Variants in THBS1 observed in about 807,000 individuals in gnomAD.
THBS1 encodes thrombospondin 1.
THBS1 carries 29 observed loss-of-function variants against 126.1 expected under a neutral mutation model. The ratio of observed to expected loss-of-function variants is 0.23; its 90% CI spans 0.17 to 0.31. THBS1 has a LOEUF of 0.31. Among genes scored for constraint, THBS1 ranks in the 10% least tolerant of loss-of-function variants. THBS1 has a pLI of 1.00. For missense variants in THBS1, 1,198 were observed against 1,545.2 expected (o/e 0.78, Z 3.77); for synonymous variants, 496 against 577.8 (o/e 0.86, Z 2.03).
Position 39,591,533 on chromosome 15 carries a change from G to A in THBS1, c.2442G>A (p.Gln814=), listed in dbSNP as rs765397507. 3 of 1,614,092 alleles carry A rather than the reference G, an allele frequency of 1.9e-6. No homozygotes were observed. The highest frequency in any genetic ancestry group is 2.2e-5 in the East Asian group (1 of 44,894). ...DGILNERDNC[Q]YVYNVDQRDT... is the part of the protein sequence containing the mutation. ...TCCTCAATGAACGGGACAACTGCCA[G>A]TACGTCTACAATGTGGACCAGAGAG... The change falls in exon 16 of 22, where the codon CAG becomes CAA. Residue 814 remains glutamine (Q), a synonymous_variant. Transcript: ENST00000260356.
chr15:39,584,505 A>G, intron 6 of THBS1, 83 bp downstream of exon 6: 1 of 1,556,228 alleles, frequency 6.4e-7, no homozygotes, highest in Non-Finnish European at 8.7e-7. Flanking sequence ...TAATCGCCAC[A>G]GAGATTCTTT....
In THBS1 at chr15:39,597,284, T is replaced by G. The variant is rs1187080016; in HGVS notation, c.*1915T>G. 4 of 144,692 alleles carry G rather than the reference T, an allele frequency of 2.8e-5. No individual in the cohort carries two copies. Among genetic ancestry groups the G allele is most frequent in the Non-Finnish European group, 6.0e-5 (4 of 66,664 alleles). 9.0% of individuals were successfully genotyped at this position (144,692 alleles called of 1,614,324 possible). On this transcript the variant is annotated 3_prime_UTR_variant, in exon 22 of 22. Coordinates refer to ENST00000260356, the MANE Select transcript of THBS1 (RefSeq NM_003246.4). Reference sequence around the variant, plus strand: ...GTTTTTTCTTTTTTTTGTTTTGTTTTTTTTTTTTTTTTTTTTTGCTTTTGA... The same window carrying G: ...GTTTTTTCTTTTTTTTGTTTTGTTTGTTTTTTTTTTTTTTTTTGCTTTTGA...
chr15:39,581,607 C>G, intron 1 of THBS1: 1 of 451,982 alleles, frequency 2.2e-6, no homozygotes, highest in Non-Finnish European at 4.0e-6. Context: ...CTTGCGCCCC[C>G]CACACTTTAA....
rs1228613025 is a variant in THBS1 at position 39,598,597 on chromosome 15, G to A, written c.*3228G>A. 2 of 152,126 alleles carry A rather than the reference G, an allele frequency of 1.3e-5. No individual in the cohort carries two copies. Among genetic ancestry groups the A allele is most frequent in the Non-Finnish European group, 2.9e-5 (2 of 68,024 alleles). 9.4% of individuals were successfully genotyped at this position (152,126 alleles called of 1,614,324 possible). ...AGACAGAAAAAGTGACTGGAAAGAG[G>A]AGCTTTTCTTCCAGGCATGTTCCAG... On this transcript the variant is annotated 3_prime_UTR_variant, in exon 22 of 22. Coordinates refer to ENST00000260356, the MANE Select transcript of THBS1 (RefSeq NM_003246.4).
Position 39,582,678 on chromosome 15 carries a change from A to C in THBS1, c.553A>C (p.Ser185Arg). The C allele has an allele frequency of 6.2e-7, 1 of 1,613,610 alleles. No homozygotes were observed. Among genetic ancestry groups the C allele is most frequent in the Non-Finnish European group, 8.5e-7 (1 of 1,180,030 alleles). Residue 185 changes from serine to arginine, a missense_variant, in exon 3 of 22, where the codon AGC becomes CGC. Physicochemically the swap from Ser to Arg is moderately radical, Grantham distance 110. Coordinates refer to ENST00000260356, the MANE Select transcript of THBS1 (RefSeq NM_003246.4). ...ENAELDVPIQ[S>R]VFTRDLASIA... The stretch of plus-strand genomic sequence containing the variant: ...TGCTGAGTTGGACGTCCCCATCCAA[A>C]GCGTCTTCACCAGAGACCTGGCCAG...
At chr15:39,585,309 G>A (rs1890189558) in intron 6 of THBS1, among the ~76,000 whole-genome samples, 161 bp from the exon 7 acceptor site, 1 of 152,218 alleles carries the variant, frequency 6.6e-6, no homozygotes, top group African/African-American at 2.4e-5. Flanking sequence ...TACGATAGTG[G>A]TGGCTGCAAA....
chr15:39,586,178 A>C (rs1371669124), intron 7 of THBS1, among the ~76,000 whole-genome samples: 1 of 152,196 alleles, frequency 6.6e-6, no homozygotes, highest in Non-Finnish European at 1.5e-5. Flanking sequence ...TACAACTAAG[A>C]TAAGGAAGAA....
Position 39,589,359 on chromosome 15 carries a change from A to G in THBS1, c.1926+5A>G. ...CATGCCACGGCCAACAAACAGGTAC[A>G]GTCAACTAGACGAGTAAACCAGAGG... On this transcript the variant is annotated splice_donor_5th_base_variant and intron_variant, in intron 12 of 21. Transcript: ENST00000260356. The surrounding 1 kb of genome is among the most constrained non-coding windows in gnomAD (Gnocchi z 4.7). The G allele has an allele frequency of 6.2e-7, 1 of 1,613,914 alleles. No individual in the cohort carries two copies. Among genetic ancestry groups the G allele is most frequent in the Non-Finnish European group, 8.5e-7 (1 of 1,179,984 alleles).
Position 39,581,793 on chromosome 15 carries a change from A to C in THBS1, c.-29-36A>C, listed in dbSNP as rs1890111850. On this transcript the variant is annotated intron_variant, in intron 1 of 21. Transcript: ENST00000260356. Reference sequence around the variant, plus strand: ...CGCACCGTCCCTCCCTGCCTAGCTGATCTCTGACCCTCGGCTCTTGTGCTT... The same window carrying C: ...CGCACCGTCCCTCCCTGCCTAGCTGCTCTCTGACCCTCGGCTCTTGTGCTT... The C allele has an allele frequency of 2.1e-6, 3 of 1,438,966 alleles. No individual in the cohort carries two copies. The South Asian group carries it at 3.5e-5, about 17-fold the overall frequency. 89.1% of individuals were successfully genotyped at this position (1,438,966 alleles called of 1,614,324 possible).
rs920379440 is a variant in THBS1 at position 39,594,014 on chromosome 15, T to C, written c.3268-85T>C. The C allele has an allele frequency of 9.9e-6, 14 of 1,411,532 alleles. No individual in the cohort carries two copies. The African/African-American group carries it at 1.9e-4, about 19-fold the overall frequency. The allele number at this position is 1,411,532 out of a possible 1,614,324, so 87.4% of individuals were successfully genotyped here. The stretch of plus-strand genomic sequence containing the variant: ...TCTAACTTAGATCAGCTCAGTACCT[T>C]TCAAGCATTGTTTCTGATGGAATGA... On this transcript the variant is annotated intron_variant, in intron 19 of 21. Transcript: ENST00000260356. This position sits in a 1 kb window ranked among gnomAD's most constrained non-coding sequence, Gnocchi z 4.4.
At position 39,589,717 on chromosome 15, in the gene THBS1, C is replaced by T. The variant is rs540816793; in HGVS notation, c.1927-88C>T. 3 of 1,368,576 alleles carry T rather than the reference C, an allele frequency of 2.2e-6. No homozygotes were observed. The East Asian group carries it at 7.4e-5, about 34-fold the overall frequency. The allele number at this position is 1,368,576 out of a possible 1,614,324, so 84.8% of individuals were successfully genotyped here. A position where few individuals can be genotyped will look rare whatever the true frequency, so the allele number is the denominator to read the frequency against. On this transcript the variant is annotated intron_variant, in intron 12 of 21. Coordinates refer to ENST00000260356, the MANE Select transcript of THBS1 (RefSeq NM_003246.4). This position sits in a 1 kb window ranked among gnomAD's most constrained non-coding sequence, Gnocchi z 4.7. Reference sequence around the variant, plus strand: ...CTTCCAAATGGAGCCTCTGTCTACTCAGAGATGACAGGGATCTGGATTCTT... The same window carrying T: ...CTTCCAAATGGAGCCTCTGTCTACTTAGAGATGACAGGGATCTGGATTCTT...
intron 14 of THBS1, chr15:39,590,980 C>T: frequency 1.7e-6 from 1 of 588,984 alleles, no homozygotes; most frequent in South Asian, 2.3e-5. Context: ...TTCTACATCT[C>T]ACTAACTTCT....
At position 39,582,718 on chromosome 15, in the gene THBS1, G is replaced by T; in HGVS notation, c.593G>T (p.Arg198Leu). The T allele has an allele frequency of 6.2e-7, 1 of 1,612,772 alleles. No individual in the cohort carries two copies. Among genetic ancestry groups the T allele is most frequent in the Non-Finnish European group, 8.5e-7 (1 of 1,179,764 alleles). ...GACCTGGCCAGCATCGCCAGACTCC[G>T]CATCGCAAAGGGGGGCGTCAATGAC... ...TRDLASIARL[R>L]IAKGGVNDNF... is the part of the protein sequence containing the mutation. The change falls in exon 3 of 22, where the codon CGC becomes CTC. Residue 198 changes from arginine (R) to leucine (L), a missense_variant. Arg to Leu is a moderately radical substitution (Grantham distance 102). This residue lies in a region of THBS1 where 271 missense variants were observed against 277.0 expected (regional missense o/e 0.98). Transcript: ENST00000260356.
At chr15:39,582,067 A>T in intron 2 of THBS1, 126 bp from the exon 3 acceptor site, 1 of 1,332,106 alleles carries the variant, frequency 7.5e-7, no homozygotes, top group Non-Finnish European at 1.0e-6. Flanking sequence ...CCTGGTATTT[A>T]TTCACCTCTT....
Position 39,593,346 on chromosome 15 carries a change from G to A in THBS1, c.2996-51G>A. 1 of 1,612,996 alleles carries A rather than the reference G, an allele frequency of 6.2e-7. No individual in the cohort carries two copies. On this transcript the variant is annotated intron_variant, in intron 18 of 21. Coordinates refer to ENST00000260356, the MANE Select transcript of THBS1 (RefSeq NM_003246.4). The surrounding 1 kb of genome is among the most constrained non-coding windows in gnomAD (Gnocchi z 5.9). ...TGAGGATGTCTAGGAACATGATGGA[G>A]AACCTTCTGAAGGCTGCAGGTTTTA...
chr15:39,586,034 T>G (rs983109848), intron 7 of THBS1, among the ~76,000 whole-genome samples: 96 of 152,162 alleles, frequency 6.3e-4, no homozygotes, highest in African/African-American at 2.3e-3. Context: ...CAATCTGAGC[T>G]CTAGAGCACC....
rs1419929877 is a variant in THBS1 at position 39,596,391 on chromosome 15, T to G, written c.*1022T>G. 1 of 153,612 alleles carries G rather than the reference T, an allele frequency of 6.5e-6. No individual in the cohort carries two copies. The highest frequency in any genetic ancestry group is 2.4e-5 in the African/African-American group (1 of 41,466). The allele number at this position is 153,612 out of a possible 1,614,324, so 9.5% of individuals were successfully genotyped here. On this transcript the variant is annotated 3_prime_UTR_variant, in exon 22 of 22. Coordinates refer to ENST00000260356, the MANE Select transcript of THBS1 (RefSeq NM_003246.4). ...TAAATGCTTTACGATGTAAAATATTTATTTTTTACTTATTCTGGAAGATCT... is the reference window on the plus strand; with the variant it reads ...TAAATGCTTTACGATGTAAAATATTGATTTTTTACTTATTCTGGAAGATCT...
At position 39,595,874 on chromosome 15, in the gene THBS1, G is replaced by A. The variant is rs943405512; in HGVS notation, c.*505G>A. 6.1e-5 allele frequency: 28 copies of A among 456,468 alleles called. No individual in the cohort carries two copies. The highest frequency in any genetic ancestry group is 1.1e-4 in the Non-Finnish European group (25 of 227,204). The allele number at this position is 456,468 out of a possible 1,614,324, so 28.3% of individuals were successfully genotyped here. ...GAGACGATTGTATGAAGAAAATATGGAGGAACTGTTACATGTTCGGTACTA... is the reference window on the plus strand; with the variant it reads ...GAGACGATTGTATGAAGAAAATATGAAGGAACTGTTACATGTTCGGTACTA... On this transcript the variant is annotated 3_prime_UTR_variant, in exon 22 of 22. Transcript: ENST00000260356.
chr15:39,590,913 C>T (rs1419927858), intron 14 of THBS1: 6 of 530,906 alleles, frequency 1.1e-5, no homozygotes, highest in East Asian at 1.0e-4. Flanking sequence ...AATGTCACAT[C>T]GAAATTACAG....
Sources: gnomAD v4.1 joint callset for allele counts (sites outside exome capture counted in the v4.1 genomes callset) on GRCh38, gnomAD v4.1.1 for gene constraint, gnomAD v4.1.1 regional missense constraint, Gnocchi (gnomAD v3.1) non-coding constraint, MANE v1.5 for transcripts, NCBI Gene and HGNC (gene_info 2026-07-23, HGNC 2026-07-21) for gene names.